The following MLLT3 variants were observed in gnomAD, a reference collection of about 807,000 sequenced individuals.
MLLT3 encodes the protein MLLT3 super elongation complex subunit.
MLLT3 carries 4 observed loss-of-function variants against 53.2 expected under a neutral mutation model. The observed-to-expected ratio is 0.08, with a 90% CI of 0.04 to 0.17. MLLT3 has a LOEUF of 0.17. MLLT3 is among the 10% of genes least tolerant of loss of function. The probability of loss-of-function intolerance (pLI) is 1.00; values close to 1 mark genes in which losing one functional copy is unlikely to be tolerated. For missense variants in MLLT3, 569 were observed against 684.0 expected, an observed-to-expected ratio of 0.83 and a Z score of 1.87; for synonymous variants, 283 against 230.6, an observed-to-expected ratio of 1.23 and a Z score of -2.06.
At chr9:20,589,032 C>A (rs1312868198) in intron 2 of MLLT3, among the ~76,000 whole-genome samples, 4 of 151,180 alleles carry the variant, frequency 2.6e-5, no homozygotes, top group Non-Finnish European at 3.0e-5. Flanking sequence ...TGTGGCGATT[C>A]CTCAGGGATC....
In MLLT3 at chr9:20,379,138, G is replaced by A. The variant is rs150491203; in HGVS notation, c.1126-13394C>T. Among the ~76,000 whole-genome samples, 142 of 152,102 alleles carry A rather than the reference G, an allele frequency of 9.3e-4. 1 individual carries two copies. The highest frequency in any genetic ancestry group is 3.2e-3 in the African/African-American group (133 of 41,540). On this transcript the variant is annotated intron_variant, in intron 5 of 10. Transcript: ENST00000380338. ...AAGATGCCTATTTGGGTAACAGAAC[G>A]TTTCTCTTCTTCAAGGGTATTTGGG...
intron 3 of MLLT3, among the ~76,000 whole-genome samples, chr9:20,455,379 CTGT>C (rs1434709269): frequency 6.6e-6 from 1 of 152,240 alleles, no homozygotes; most frequent in Non-Finnish European, 1.5e-5. Context: ...CAGTGTGACA[CTGT>C]TCCAGTGGAA....
At chr9:20,395,450 G>T (rs1023820508) in intron 5 of MLLT3, among the ~76,000 whole-genome samples, 2 of 152,124 alleles carry the variant, frequency 1.3e-5, no homozygotes, top group Non-Finnish European at 2.9e-5. Context: ...CAAATTAATA[G>T]ATCTGATGCC....
At chr9:20,483,087 AG>A (rs1459363276) in intron 2 of MLLT3, among the ~76,000 whole-genome samples, 3 of 152,194 alleles carry the variant, frequency 2.0e-5, no homozygotes, top group Non-Finnish European at 4.4e-5. Context: ...GAAAAGAAAA[AG>A]ACAACTAGAG....
At chr9:20,556,537 G>T (rs916060584) in intron 2 of MLLT3, among the ~76,000 whole-genome samples, 3 of 151,994 alleles carry the variant, frequency 2.0e-5, no homozygotes, top group African/African-American at 7.3e-5. Flanking sequence ...ATAAAAATTA[G>T]CCAGCCGTGG....
intron 4 of MLLT3, among the ~76,000 whole-genome samples, chr9:20,436,178 G>A (rs530009434): frequency 6.6e-6 from 1 of 152,030 alleles, no homozygotes; most frequent in African/African-American, 2.4e-5. Context: ...GATTAATGTT[G>A]CATTAACCAT....
chr9:20,400,672 A>C (rs914203045), intron 5 of MLLT3, among the ~76,000 whole-genome samples: 2 of 152,088 alleles, frequency 1.3e-5, no homozygotes, highest in African/African-American at 4.8e-5. Context: ...ATGGTCCATG[A>C]AGGGTTTACT....
At chr9:20,554,534 G>A (rs1056018331) in intron 2 of MLLT3, among the ~76,000 whole-genome samples, 7 of 152,086 alleles carry the variant, frequency 4.6e-5, no homozygotes, top group Non-Finnish European at 8.8e-5. Flanking sequence ...CAATAAGAAA[G>A]AAAATCAATG....
chr9:20,577,923 T>C (rs1205349730), intron 2 of MLLT3, among the ~76,000 whole-genome samples: 1 of 152,192 alleles, frequency 6.6e-6, no homozygotes, highest in African/African-American at 2.4e-5. Flanking sequence ...GAATCATTCC[T>C]AGAAATTTAA....
chr9:20,392,725 C>T (rs940513428), intron 5 of MLLT3, among the ~76,000 whole-genome samples: 38 of 152,194 alleles, frequency 2.5e-4, no homozygotes, highest in African/African-American at 7.9e-4. Flanking sequence ...ATAAACATAA[C>T]AAATAGGACA....
At chr9:20,593,786 G>C (rs1224490021) in intron 2 of MLLT3, among the ~76,000 whole-genome samples, 1 of 152,130 alleles carries the variant, frequency 6.6e-6, no homozygotes, top group Non-Finnish European at 1.5e-5. Flanking sequence ...AGCAACTTCA[G>C]ACTATCAGCT....
chr9:20,397,319 T>A (rs1822346135), intron 5 of MLLT3, among the ~76,000 whole-genome samples: 1 of 152,158 alleles, frequency 6.6e-6, no homozygotes, highest in African/African-American at 2.4e-5. Flanking sequence ...GAAGAACAAC[T>A]GATACATATC....
chr9:20,416,143 G>C (rs1002916571), intron 4 of MLLT3, among the ~76,000 whole-genome samples: 2 of 151,658 alleles, frequency 1.3e-5, no homozygotes, highest in African/African-American at 4.8e-5. Context: ...GCAATACTAT[G>C]AATAATTAAA....
chr9:20,369,754 C>T (rs750492347), intron 5 of MLLT3, among the ~76,000 whole-genome samples: 66 of 152,114 alleles, frequency 4.3e-4, no homozygotes, highest in Admixed American at 4.6e-4. Flanking sequence ...ACTTGCTCTA[C>T]ACACACAAAA....
At chr9:20,377,605 T>C (rs1298459994) in intron 5 of MLLT3, among the ~76,000 whole-genome samples, 17 of 152,218 alleles carry the variant, frequency 1.1e-4, no homozygotes, top group Non-Finnish European at 1.5e-5. Context: ...TGTGTCACTT[T>C]AAAATGTTCA....
rs1823770049 is a variant in MLLT3 at position 20,448,756 on chromosome 9, GA to G, written c.277-491del. 6.6e-6 allele frequency among the ~76,000 whole-genome samples: 1 copy of G among 152,040 alleles called. No individual in the cohort carries two copies. Among genetic ancestry groups the G allele is most frequent in the Admixed American group, 6.6e-5 (1 of 15,254 alleles). Reference sequence around the variant, plus strand: ...ATTCAGGCCTTAAGATTATCTATATGAAATAAAAATCTAGCCATTTTCACTT... The same window carrying G: ...ATTCAGGCCTTAAGATTATCTATATGAATAAAAATCTAGCCATTTTCACTT... On this transcript the variant is annotated intron_variant, in intron 3 of 10. Transcript: ENST00000380338. This position sits in a 1 kb window ranked among gnomAD's most constrained non-coding sequence, Gnocchi z 4.0.
In MLLT3 at chr9:20,343,214, A is replaced by ATT. The variant is rs1554673308; in HGVS notation, c.*3227_*3228dup. ...AAAAAAAAAAAAAAAAAAAAAAAAA[A>ATT]TTTTGAAGAAACTTTTTAGTGGAAG... On this transcript the variant is annotated 3_prime_UTR_variant, in exon 11 of 11. Coordinates refer to ENST00000380338, the MANE Select transcript of MLLT3 (RefSeq NM_004529.4). The ATT allele has an allele frequency of 9.0e-3, 1,035 of 115,560 alleles. 47 individuals are homozygous for ATT. In the East Asian group the frequency reaches 0.09, roughly 10 times the overall value. The allele number at this position is 115,560 out of a possible 1,614,324, so 7.2% of individuals were successfully genotyped here. A position where few individuals can be genotyped will look rare whatever the true frequency, so the allele number is the denominator to read the frequency against.
At chr9:20,541,244 T>C (rs1166632679) in intron 2 of MLLT3, among the ~76,000 whole-genome samples, 2 of 152,218 alleles carry the variant, frequency 1.3e-5, no homozygotes, top group African/African-American at 4.8e-5. Context: ...AACATCTTCC[T>C]GTATTCTTCT....
At chr9:20,591,363 T>C (rs377528775) in intron 2 of MLLT3, among the ~76,000 whole-genome samples, 1 of 152,172 alleles carries the variant, frequency 6.6e-6, no homozygotes, top group Non-Finnish European at 1.5e-5. Flanking sequence ...TCTCAGATAG[T>C]GTGGAGGAAG....
Sources: allele counts gnomAD v4.1 joint callset (sites outside exome capture counted in the v4.1 genomes callset), GRCh38; gene constraint gnomAD v4.1.1; non-coding constraint Gnocchi (gnomAD v3.1); transcripts MANE v1.5; gene names NCBI Gene and HGNC (gene_info 2026-07-23, HGNC 2026-07-21).